The following RAET1G variants were observed in gnomAD, a reference collection of about 807,000 sequenced individuals.
RAET1G encodes the protein retinoic acid early transcript 1G, also known as UL-16 binding protein 5.
RAET1G carries 25 observed loss-of-function variants against 29.5 expected under a neutral mutation model. The ratio of observed to expected loss-of-function variants is 0.85; its 90% CI spans 0.62 to 1.18. The LOEUF (loss-of-function observed/expected upper bound fraction) is 1.18, where lower values mean the gene tolerates loss of function less well. Among genes scored for constraint, RAET1G ranks in the 50% most tolerant of loss-of-function variants. The pLI is 0.00. For synonymous variants in RAET1G, 167 were observed against 159.5 expected (o/e 1.05, Z -0.36); for missense variants, 434 against 423.6 (o/e 1.02, Z -0.22).
intron 1 of RAET1G, among the ~76,000 whole-genome samples, chr6:149,920,984 TAGA>T (rs989745035): frequency 1.3e-5 from 2 of 152,226 alleles, no homozygotes; most frequent in African/African-American, 4.8e-5. Flanking sequence ...AACCCATGAC[TAGA>T]AGAAGACACC....
chr6:149,918,062 G>A (rs1778489580), intron 4 of RAET1G, 112 bp downstream of exon 4: 1 of 934,292 alleles, frequency 1.1e-6, no homozygotes, highest in African/African-American at 1.6e-5. Flanking sequence ...CCTGTCTCAT[G>A]TTAGGATGAG....
Position 149,916,892 on chromosome 6 carries a change from C to T in RAET1G, c.*20G>A, listed in dbSNP as rs1354682603. ...CAAGACAAAGAGACGGAAGAAAAGA[C>T]AGCTGGGCCCAGGGAACCATCAAGA... is the stretch of plus-strand genomic sequence containing the variant. On this transcript the variant is annotated 3_prime_UTR_variant, in exon 5 of 5. Transcript: ENST00000367360. 94 of 1,482,738 alleles carry T rather than the reference C, an allele frequency of 6.3e-5. No homozygotes were observed. Among genetic ancestry groups the T allele is most frequent in the African/African-American group, 1.0e-4 (7 of 70,296 alleles). The allele number at this position is 1,482,738 out of a possible 1,614,324, so 91.8% of individuals were successfully genotyped here.
chr6:149,920,579 AT>A (rs1330827680), intron 1 of RAET1G, among the ~76,000 whole-genome samples: 1 of 152,168 alleles, frequency 6.6e-6, no homozygotes, highest in Admixed American at 6.5e-5. Context: ...AAGCTCAGGG[AT>A]GCCTATTGCT....
In RAET1G at chr6:149,920,232, G is replaced by T. The variant is rs146810726; in HGVS notation, c.86-416C>A. Among the ~76,000 whole-genome samples the T allele has an allele frequency of 4.3e-3, 653 of 152,270 alleles. 4 individuals are homozygous for T. Among genetic ancestry groups the T allele is most frequent in the African/African-American group, 0.015 (627 of 41,530 alleles). Reference sequence around the variant, plus strand: ...ACTGGTGCATGGTGGGACGGAGTGAGGATGGAACCCAGTTGGATAAAGAAG... The same window carrying T: ...ACTGGTGCATGGTGGGACGGAGTGATGATGGAACCCAGTTGGATAAAGAAG... On this transcript the variant is annotated intron_variant, in intron 1 of 4. Coordinates refer to ENST00000367360, the MANE Select transcript of RAET1G (RefSeq NM_001001788.4).
chr6:149,916,952 G>A lies in RAET1G; in HGVS notation c.965C>T (p.Ala322Val). ...CTGTAGTGGCTCCGAATACCTGGCT[G>A]CGCCGTTATTTATTGTATACAAGGC... is the stretch of plus-strand genomic sequence containing the variant. The part of the protein sequence containing the change: ...PLALYTINNG[A>V]ARYSEPLQVS... The change falls in exon 5 of 5, where the codon GCA becomes GTA. Residue 322 changes from alanine to valine, a missense_variant. Ala to Val is a moderately conservative substitution (Grantham distance 64). Coordinates refer to ENST00000367360, the MANE Select transcript of RAET1G (RefSeq NM_001001788.4). The A allele has an allele frequency of 6.5e-7, 1 of 1,546,140 alleles. No individual in the cohort carries two copies. Among genetic ancestry groups the A allele is most frequent in the Non-Finnish European group, 8.7e-7 (1 of 1,144,072 alleles).
At chr6:149,918,944 G>T in intron 3 of RAET1G, 99 bp downstream of exon 3, 4 of 1,565,192 alleles carry the variant, frequency 2.6e-6, no homozygotes, top group Non-Finnish European at 2.6e-6. Flanking sequence ...TAACATAAAC[G>T]TGTACACTGG....
At position 149,921,991 on chromosome 6, in the gene RAET1G, C is replaced by T. The variant is rs539146474; in HGVS notation, c.85+935G>A. Among the ~76,000 whole-genome samples the T allele has an allele frequency of 3.3e-5, 5 of 152,310 alleles. No individual in the cohort carries two copies. In the South Asian group the frequency reaches 1.0e-3, roughly 32 times the overall value. On this transcript the variant is annotated intron_variant, in intron 1 of 4. Transcript: ENST00000367360. ...GACACTGAGACGGAGAACCCAAGGC[C>T]TGCAAAGATCACAGGGCATCCTTCC... is the stretch of plus-strand genomic sequence containing the variant.
chr6:149,918,125 C>A, intron 4 of RAET1G, 49 bp downstream of exon 4: 1 of 1,537,318 alleles, frequency 6.5e-7, no homozygotes, highest in Non-Finnish European at 8.9e-7. Flanking sequence ...CCCTGTCCTC[C>A]CTCCTCACCC....
chr6:149,919,801 C>G lies in RAET1G; in HGVS notation c.101G>C (p.Cys34Ser), dbSNP rs759264169. ...CTTAGGGATGACGGTGATGTCATAG[C>G]AAAGAGAGTGAGGGTCTGTGGAGAA... ...RTGLADPHSL[C>S]YDITVIPKFR... Residue 34 changes from cysteine to serine, a missense_variant, in exon 2 of 5, where the codon TGC (cysteine) becomes TCC (serine). Coordinates refer to ENST00000367360, the MANE Select transcript of RAET1G (RefSeq NM_001001788.4). 5 of 1,611,998 alleles carry G rather than the reference C, an allele frequency of 3.1e-6. No homozygotes were observed. In the East Asian group the frequency reaches 1.1e-4, roughly 36 times the overall value.
At chr6:149,917,110 G>A in intron 4 of RAET1G, 36 bp from the exon 5 acceptor site, 24 of 1,510,622 alleles carry the variant, frequency 1.6e-5, no homozygotes, top group Non-Finnish European at 2.1e-5. Flanking sequence ...TTACGTCATT[G>A]TTTCTTCTAT....
chr6:149,919,022 C>T, intron 3 of RAET1G, 21 bp downstream of exon 3: 2 of 1,612,596 alleles, frequency 1.2e-6, no homozygotes, highest in Non-Finnish European at 1.7e-6. Context: ...TGGAGATCCC[C>T]ATTTCTTTTT....
chr6:149,917,453 C>T (rs1055710948), intron 4 of RAET1G, among the ~76,000 whole-genome samples: 1 of 152,256 alleles, frequency 6.6e-6, no homozygotes, highest in Non-Finnish European at 1.5e-5. Flanking sequence ...TGACAGAGGG[C>T]TCACACTCTT....
chr6:149,919,710 A>G lies in RAET1G; in HGVS notation c.192T>C (p.Tyr64=). The G allele has an allele frequency of 6.2e-7, 1 of 1,613,968 alleles. No homozygotes were observed. The highest frequency in any genetic ancestry group is 2.2e-5 in the East Asian group (1 of 44,878). ...GQVDEKTFLH[Y]DCGSKTVTPV... ...GTGTGACTGTCTTGCTGCCACAGTC[A>G]TAGTGAAGAAAAGTCTTTTCATCCA... Residue 64 remains tyrosine, a synonymous_variant, in exon 2 of 5, where the codon TAT becomes TAC. Coordinates refer to ENST00000367360, the MANE Select transcript of RAET1G (RefSeq NM_001001788.4).
At position 149,918,198 on chromosome 6, in the gene RAET1G, A is replaced by T. The variant is rs1274543099; in HGVS notation, c.818T>A (p.Leu273Gln). 6.2e-7 allele frequency: 1 copy of T among 1,614,098 alleles called. No individual in the cohort carries two copies. The highest frequency in any genetic ancestry group is 1.6e-4 in the Middle Eastern group (1 of 6,062). Reference protein sequence around the residue: ...HPPLLHPTWLLRRVLWSDSYQ... With the variant: ...HPPLLHPTWLQRRVLWSDSYQ... The stretch of plus-strand genomic sequence containing the variant: ...CCTGTCACTCCAAAGGACTCTCCTC[A>T]GCAGCCAGGTAGGATGAAGCAGGGG... Residue 273 changes from leucine (L) to glutamine (Q), a missense_variant, in exon 4 of 5, where the codon CTG (leucine) becomes CAG (glutamine). Physicochemically the swap from Leu to Gln is moderately radical, Grantham distance 113. Coordinates refer to ENST00000367360, the MANE Select transcript of RAET1G (RefSeq NM_001001788.4).
chr6:149,920,678 A>G (rs570270238), intron 1 of RAET1G, among the ~76,000 whole-genome samples: 1 of 152,264 alleles, frequency 6.6e-6, no homozygotes, highest in East Asian at 1.9e-4. Flanking sequence ...AACAGATTCC[A>G]GGTGGAGGTT....
At chr6:149,922,640 G>T (rs1778621041) in intron 1 of RAET1G, among the ~76,000 whole-genome samples, 1 of 152,116 alleles carries the variant, frequency 6.6e-6, no homozygotes, top group Non-Finnish European at 1.5e-5. Context: ...GGACTGCCGG[G>T]CTGCACTAGG....
At chr6:149,918,025 C>G in intron 4 of RAET1G, 149 bp downstream of exon 4, 1 of 751,216 alleles carries the variant, frequency 1.3e-6, no homozygotes. Context: ...CAGGTCATTT[C>G]CAACAAGCAA....
intron 4 of RAET1G, among the ~76,000 whole-genome samples, chr6:149,917,941 T>C (rs1467929295): frequency 6.6e-6 from 1 of 152,194 alleles, no homozygotes; most frequent in East Asian, 1.9e-4. Flanking sequence ...CCCTGAGCCT[T>C]GGTATGGCAC....
intron 2 of RAET1G, 40 bp from the exon 3 acceptor site, chr6:149,919,364 A>G (rs1052987163): frequency 1.2e-6 from 2 of 1,600,442 alleles, no homozygotes; most frequent in African/African-American, 1.3e-5. Flanking sequence ...GCCTTGACAG[A>G]TATTGAGCCC....
Sources: allele counts gnomAD v4.1 joint callset (sites outside exome capture counted in the v4.1 genomes callset), GRCh38; gene constraint gnomAD v4.1.1; transcripts MANE v1.5; gene names NCBI Gene and HGNC (gene_info 2026-07-23, HGNC 2026-07-21).